The following EIF3M variants were observed in gnomAD, a reference collection of about 807,000 sequenced individuals.
EIF3M encodes the protein eukaryotic translation initiation factor 3 subunit M.
EIF3M carries 25 observed loss-of-function variants against 49.7 expected under a neutral mutation model. The observed-to-expected ratio is 0.50, with a 90% CI of 0.37 to 0.70. The LOEUF is 0.70. EIF3M is among the 30% of genes least tolerant of loss of function. The probability of loss-of-function intolerance (pLI) is 0.00; values close to 1 mark genes in which losing one functional copy is unlikely to be tolerated. For missense variants in EIF3M, 350 were observed against 440.0 expected (o/e 0.80, Z 1.83); for synonymous variants, 156 against 149.8 (o/e 1.04, Z -0.30).
chr11:32,596,315 C>T (rs1454915120), intron 8 of EIF3M, among the ~76,000 whole-genome samples: 5 of 152,062 alleles, frequency 3.3e-5, no homozygotes, highest in African/African-American at 1.2e-4. Flanking sequence ...ACTCGGGGCC[C>T]AGCGCGGTGG....
intron 5 of EIF3M, chr11:32,592,895 TC>T: frequency 4.0e-6 from 1 of 248,266 alleles, no homozygotes; most frequent in Non-Finnish European, 7.9e-6. Context: ...AGCCTTGAAT[TC>T]CTGGGCTCAA....
Position 32,583,896 on chromosome 11 carries a change from C to T in EIF3M, c.9C>T (p.Val3=). The T allele has an allele frequency of 6.2e-7, 1 of 1,613,836 alleles. No individual in the cohort carries two copies. The highest frequency in any genetic ancestry group is 8.5e-7 in the Non-Finnish European group (1 of 1,179,850). Residue 3 remains valine, a synonymous_variant, in exon 1 of 11, where the codon GTC becomes GTT. Transcript: ENST00000531120. MS[V]PAFIDISEED... ...GTGCCCGGGCCTGCACCATGAGCGTCCCGGCCTTCATCGACATCAGTGAAG... is the reference window on the plus strand; with the variant it reads ...GTGCCCGGGCCTGCACCATGAGCGTTCCGGCCTTCATCGACATCAGTGAAG...
intron 1 of EIF3M, among the ~76,000 whole-genome samples, chr11:32,585,099 C>A (rs556552387): frequency 6.6e-6 from 1 of 152,228 alleles, no homozygotes; most frequent in East Asian, 1.9e-4. Flanking sequence ...TCTCCTCCCC[C>A]CGCCCCATGG....
At position 32,593,549 on chromosome 11, in the gene EIF3M, T is replaced by C. The variant is rs112754284; in HGVS notation, c.534-317T>C. ...AAGAAAAGGATATTTTACATCATTT[T>C]GGTCTCAGCTTACTTGCCATCTCTT... On this transcript the variant is annotated intron_variant, in intron 5 of 10. Coordinates refer to ENST00000531120, the MANE Select transcript of EIF3M (RefSeq NM_006360.6). Among the ~76,000 whole-genome samples the C allele has an allele frequency of 4.0e-3, 608 of 152,338 alleles. 1 individual carries two copies. The highest frequency in any genetic ancestry group is 0.014 in the African/African-American group (570 of 41,584).
rs1048129481 is a variant in EIF3M at position 32,603,693 on chromosome 11, T to A, written c.*1294T>A. The A allele has an allele frequency of 1.3e-5, 2 of 152,242 alleles. No individual in the cohort carries two copies. The highest frequency in any genetic ancestry group is 2.9e-5 in the Non-Finnish European group (2 of 68,040). 9.4% of individuals were successfully genotyped at this position (152,242 alleles called of 1,614,324 possible). The stretch of plus-strand genomic sequence containing the variant: ...TACTACTGAATGTTTGTTTCCAGTT[T>A]ATCCCTACCAAAAATTAATTCGAGT... On this transcript the variant is annotated 3_prime_UTR_variant, in exon 11 of 11. Transcript: ENST00000531120.
At position 32,587,086 on chromosome 11, in the gene EIF3M, T is replaced by G. The variant is rs1169997695; in HGVS notation, c.117T>G (p.His39Gln). ...AAGAGAACTCGGAAGGTGGACTTCA[T>G]GTTGATTTAGCTCAAATTATTGAAG... ...ISEENSEGGLHVDLAQIIEAC... is the reference protein window; with the variant it reads ...ISEENSEGGLQVDLAQIIEAC... The change falls in exon 2 of 11, where the codon CAT becomes CAG. Residue 39 changes from histidine to glutamine, a missense_variant. By Grantham distance (24) the His-to-Gln change is conservative. Coordinates refer to ENST00000531120, the MANE Select transcript of EIF3M (RefSeq NM_006360.6). The G allele has an allele frequency of 6.2e-7, 1 of 1,613,026 alleles. No individual in the cohort carries two copies. The highest frequency in any genetic ancestry group is 1.7e-5 in the Admixed American group (1 of 60,018).
At position 32,606,210 on chromosome 11, in the gene EIF3M, G is replaced by C. The variant is rs1855349576; in HGVS notation, c.*3811G>C. 1.3e-5 allele frequency: 2 copies of C among 152,176 alleles called. No individual in the cohort carries two copies. The highest frequency in any genetic ancestry group is 4.1e-4 in the South Asian group (2 of 4,822). The allele number at this position is 152,176 out of a possible 1,614,324, so 9.4% of individuals were successfully genotyped here. On this transcript the variant is annotated 3_prime_UTR_variant, in exon 11 of 11. Coordinates refer to ENST00000531120, the MANE Select transcript of EIF3M (RefSeq NM_006360.6). ...TACCTTCCCTGAATTTAACAGAATT[G>C]ATGTGGACTGTACATAAAATATGTT... is the stretch of plus-strand genomic sequence containing the variant.
intron 2 of EIF3M, among the ~76,000 whole-genome samples, chr11:32,587,955 A>G (rs1855025738): frequency 6.6e-6 from 1 of 152,226 alleles, no homozygotes; most frequent in Admixed American, 6.5e-5. Flanking sequence ...CTGATTTCCT[A>G]TATGTATACA....
chr11:32,588,015 A>G (rs1855026767), intron 2 of EIF3M, among the ~76,000 whole-genome samples: 1 of 152,242 alleles, frequency 6.6e-6, no homozygotes, highest in Non-Finnish European at 1.5e-5. Flanking sequence ...TCATACCAGT[A>G]ACTTCCAAAT....
chr11:32,596,619 A>G (rs1855184563), intron 8 of EIF3M, among the ~76,000 whole-genome samples: 1 of 148,556 alleles, frequency 6.7e-6, no homozygotes, highest in Non-Finnish European at 1.5e-5. Context: ...AAAAAAAAAA[A>G]AGAAAGAAAA....
intron 9 of EIF3M, chr11:32,601,038 C>T (rs1051739405): frequency 4.0e-5 from 19 of 476,598 alleles, no homozygotes; most frequent in Admixed American, 2.2e-4. Context: ...CTTGAAATCA[C>T]GTAGAACAAA....
chr11:32,600,355 C>T (rs11031887), intron 8 of EIF3M, among the ~76,000 whole-genome samples: 1,573 of 151,806 alleles, frequency 0.01, 26 homozygotes, highest in African/African-American at 0.036. Context: ...ATGAAATGTA[C>T]TTTGTAGATT....
At chr11:32,589,335 C>T (rs1412281716) in intron 4 of EIF3M, among the ~76,000 whole-genome samples, 200 bp downstream of exon 4, 1 of 152,156 alleles carries the variant, frequency 6.6e-6, no homozygotes. Flanking sequence ...CGCCACCACG[C>T]CCGGCTAATG....
intron 9 of EIF3M, 188 bp downstream of exon 9, chr11:32,601,020 T>C: frequency 1.7e-6 from 1 of 587,920 alleles, no homozygotes; most frequent in South Asian, 3.8e-5. Context: ...AACTGCTATA[T>C]TCTATCCCTT....
intron 5 of EIF3M, chr11:32,592,623 GT>G (rs1376869181): frequency 1.9e-6 from 1 of 518,130 alleles, no homozygotes; most frequent in Non-Finnish European, 3.8e-6. Context: ...GGAACATTTT[GT>G]TTGGGGGTCT....
Position 32,603,322 on chromosome 11 carries a change from T to C in EIF3M, c.*923T>C, listed in dbSNP as rs1590534645. 2 of 253,452 alleles carry C rather than the reference T, an allele frequency of 7.9e-6. No individual in the cohort carries two copies. The highest frequency in any genetic ancestry group is 7.6e-5 in the East Asian group (1 of 13,106). 15.7% of individuals were successfully genotyped at this position (253,452 alleles called of 1,614,324 possible). A position where few individuals can be genotyped will look rare whatever the true frequency, so the allele number is the denominator to read the frequency against. On this transcript the variant is annotated 3_prime_UTR_variant, in exon 11 of 11. Coordinates refer to ENST00000531120, the MANE Select transcript of EIF3M (RefSeq NM_006360.6). ...AAGAAACAGGAAGGGCAGTGAGATA[T>C]TTGGAAGTTGGCATGTTTTCAAGAC...
chr11:32,584,996 A>C (rs1457406513), intron 1 of EIF3M, among the ~76,000 whole-genome samples: 1 of 152,216 alleles, frequency 6.6e-6, no homozygotes, highest in African/African-American at 2.4e-5. Context: ...ACTAACACGG[A>C]AGTAACTTCC....
chr11:32,601,942 A>G (rs1855274818), intron 10 of EIF3M, 120 bp downstream of exon 10: 5 of 1,039,068 alleles, frequency 4.8e-6, no homozygotes, highest in Non-Finnish European at 4.2e-6. Flanking sequence ...AATAGTTGCT[A>G]TTTATCATAA....
rs1810150904 is a variant in EIF3M at position 32,589,631 on chromosome 11, T to G, written c.523T>G (p.Cys175Gly). ...ACTACTTTATGAGGCACTTGTGGAT[T>G]GTAAGAAGAGGTATTCAAAAGTAAT... ...LRLLYEALVD[C>G]KKSDAASKVM... Residue 175 changes from cysteine to glycine, a missense_variant, in exon 5 of 11, where the codon TGT becomes GGT. Coordinates refer to ENST00000531120, the MANE Select transcript of EIF3M (RefSeq NM_006360.6). 7.4e-6 allele frequency: 12 copies of G among 1,613,974 alleles called. No individual in the cohort carries two copies. Among genetic ancestry groups the G allele is most frequent in the Non-Finnish European group, 1.0e-5 (12 of 1,179,950 alleles).
Sources: allele counts gnomAD v4.1 joint callset (sites outside exome capture counted in the v4.1 genomes callset), GRCh38; gene constraint gnomAD v4.1.1; transcripts MANE v1.5; gene names NCBI Gene and HGNC (gene_info 2026-07-23, HGNC 2026-07-21).